The following SEPTIN9 variants were observed in gnomAD, a reference collection of about 807,000 sequenced individuals.
The protein encoded by SEPTIN9 is septin-9.
In SEPTIN9, 13 loss-of-function variants were observed where a neutral mutation model predicts 56.6. The observed-to-expected ratio is 0.23, with a 90% CI of 0.15 to 0.37. The LOEUF (loss-of-function observed/expected upper bound fraction) is 0.37, where lower values mean the gene tolerates loss of function less well. Ranked by LOEUF, SEPTIN9 falls within the 10% of genes least tolerant of loss-of-function variation. The pLI, the probability that SEPTIN9 is intolerant of heterozygous loss-of-function variation, is 1.00. For synonymous variants in SEPTIN9, 332 were observed against 334.1 expected (o/e 0.99, Z 0.07); for missense variants, 650 against 823.1 (o/e 0.79, Z 2.57).
intron 1 of SEPTIN9, among the ~76,000 whole-genome samples, chr17:77,288,896 G>T (rs1363738368): frequency 6.6e-6 from 1 of 152,198 alleles, no homozygotes; most frequent in East Asian, 1.9e-4. Context: ...GGCCGGCACC[G>T]AGGGGCGGGG....
intron 3 of SEPTIN9, among the ~76,000 whole-genome samples, chr17:77,465,452 G>T (rs543475228): frequency 1.3e-5 from 2 of 152,284 alleles, no homozygotes; most frequent in East Asian, 3.9e-4. Flanking sequence ...GGCCAGCCAG[G>T]TGCTGCGAGT....
In SEPTIN9 at chr17:77,316,345, C is replaced by A. The variant is rs538152780; in HGVS notation, c.76+9148C>A. 8.5e-5 allele frequency among the ~76,000 whole-genome samples: 13 copies of A among 152,184 alleles called. 1 individual carries two copies. Among genetic ancestry groups the A allele is most frequent in the Admixed American group, 8.5e-4 (13 of 15,280 alleles). On this transcript the variant is annotated intron_variant, in intron 2 of 11. Transcript: ENST00000427177. The stretch of plus-strand genomic sequence containing the variant: ...TAACTCCTGCCTCTTCAGAGCCAAT[C>A]GGTGCTGCCAGGTTTTCCATTTCAA...
intron 2 of SEPTIN9, among the ~76,000 whole-genome samples, chr17:77,381,877 C>T (rs932552256): frequency 6.6e-6 from 1 of 152,162 alleles, no homozygotes; most frequent in Non-Finnish European, 1.5e-5. Context: ...GTTCTAGGCA[C>T]TGGGGGTCTA....
chr17:77,466,475 C>T, intron 3 of SEPTIN9: 1 of 985,476 alleles, frequency 1.0e-6, no homozygotes, highest in Non-Finnish European at 1.2e-6. Flanking sequence ...GTGTTAGCTG[C>T]GTGAGCGTGA....
At chr17:77,354,133 T>C (rs764450556) in intron 2 of SEPTIN9, among the ~76,000 whole-genome samples, 2 of 152,220 alleles carry the variant, frequency 1.3e-5, no homozygotes, top group Non-Finnish European at 2.9e-5. Flanking sequence ...TCTTATTTTT[T>C]ACTTATTTAG....
chr17:77,497,049 A>G (rs982098142), intron 10 of SEPTIN9: 2 of 556,624 alleles, frequency 3.6e-6, no homozygotes, highest in Non-Finnish European at 6.5e-6. Context: ...GCCATCTCCC[A>G]TTAGCCAGGA....
At chr17:77,315,760 C>T (rs928880267) in intron 2 of SEPTIN9, among the ~76,000 whole-genome samples, 1 of 152,228 alleles carries the variant, frequency 6.6e-6, no homozygotes, top group Admixed American at 6.5e-5. Flanking sequence ...CAGCCTGTGC[C>T]GCTGAGCCCC....
In SEPTIN9 at chr17:77,313,661, T is replaced by C. The variant is rs532350020; in HGVS notation, c.76+6464T>C. Reference sequence around the variant, plus strand: ...GAGTCCAGGACGGAGCTCCTTCATTTTTAATTCAGGGAAGCAAACTTCAGT... The same window carrying C: ...GAGTCCAGGACGGAGCTCCTTCATTCTTAATTCAGGGAAGCAAACTTCAGT... On this transcript the variant is annotated intron_variant, in intron 2 of 11. Coordinates refer to ENST00000427177, the MANE Select transcript of SEPTIN9 (RefSeq NM_001113491.2). The surrounding 1 kb of genome is among the most constrained non-coding windows in gnomAD (Gnocchi z 4.5). 6.6e-6 allele frequency among the ~76,000 whole-genome samples: 1 copy of C among 152,240 alleles called. No homozygotes were observed. Among genetic ancestry groups the C allele is most frequent in the South Asian group, 2.1e-4 (1 of 4,824 alleles).
intron 2 of SEPTIN9, chr17:77,375,325 C>T (rs1042719475): frequency 6.6e-6 from 1 of 152,228 alleles, no homozygotes; most frequent in Admixed American, 6.5e-5. Flanking sequence ...CCTGCGGGAT[C>T]GAGGTCTCTG....
chr17:77,488,764 G>A lies in SEPTIN9; in HGVS notation c.1162G>A (p.Glu388Lys), dbSNP rs1297513860. 1 of 1,613,902 alleles carries A rather than the reference G, an allele frequency of 6.2e-7. No individual in the cohort carries two copies. The highest frequency in any genetic ancestry group is 8.5e-7 in the Non-Finnish European group (1 of 1,179,968). ...CATGAAGTTCATCAATGACCAGTAC[G>A]AGAAATACCTGCAGGAGGAGGTCAA... Reference protein sequence around the residue: ...PIMKFINDQYEKYLQEEVNIN... With the variant: ...PIMKFINDQYKKYLQEEVNIN... Residue 388 changes from glutamate to lysine, a missense_variant, in exon 7 of 12, where the codon GAG becomes AAG. By Grantham distance (56) the Glu-to-Lys change is moderately conservative. Transcript: ENST00000427177.
Position 77,421,955 on chromosome 17 carries a change from C to T in SEPTIN9, c.721+19252C>T, listed in dbSNP as rs114197578. On this transcript the variant is annotated intron_variant, in intron 3 of 11. Transcript: ENST00000427177. This position sits in a 1 kb window ranked among gnomAD's most constrained non-coding sequence, Gnocchi z 4.6. ...ATCTCGACCTCCTAGGCTCAGCAGT[C>T]CTCCCATCTCAGCCTACCAAGTAGC... Among the ~76,000 whole-genome samples, 1 of 152,098 alleles carries T rather than the reference C, an allele frequency of 6.6e-6. No individual in the cohort carries two copies.
chr17:77,362,072 C>G (rs1033738228), intron 2 of SEPTIN9, among the ~76,000 whole-genome samples: 1 of 152,254 alleles, frequency 6.6e-6, no homozygotes, highest in African/African-American at 2.4e-5. Flanking sequence ...GACACCTGGC[C>G]ATTCACTGGC....
In SEPTIN9 at chr17:77,310,103, T is replaced by C. The variant is rs55839627; in HGVS notation, c.76+2906T>C. ...AAGCGATTCTTCTGCCTCAGCCTCC[T>C]CAGTAGCCAGGATTACAGGCACCCG... On this transcript the variant is annotated intron_variant, in intron 2 of 11. Transcript: ENST00000427177. The surrounding 1 kb of genome is among the most constrained non-coding windows in gnomAD (Gnocchi z 4.7). 0.11 allele frequency among the ~76,000 whole-genome samples: 16,746 copies of C among 152,046 alleles called. 1,014 individuals are homozygous for C. The highest frequency in any genetic ancestry group is 0.15 in the African/African-American group (6,348 of 41,430).
At chr17:77,443,359 A>G (rs2037620161) in intron 3 of SEPTIN9, among the ~76,000 whole-genome samples, 1 of 152,194 alleles carries the variant, frequency 6.6e-6, no homozygotes, top group Admixed American at 6.5e-5. Context: ...ACACGGGAAT[A>G]ATAGAGCTGG....
rs1431249882 is a variant in SEPTIN9 at position 77,492,976 on chromosome 17, C to G, written c.1477-4C>G. On this transcript the variant is annotated splice_region_variant and splice_polypyrimidine_tract_variant and intron_variant, in intron 9 of 11. Transcript: ENST00000427177. The surrounding 1 kb of genome is among the most constrained non-coding windows in gnomAD (Gnocchi z 5.4). ...GTAACCAATACCGTCTGCCCGTTCC[C>G]CAGGAGATGATCCCATTTGCTGTGG... The G allele has an allele frequency of 1.2e-5, 18 of 1,562,638 alleles. No homozygotes were observed. The highest frequency in any genetic ancestry group is 1.5e-5 in the Non-Finnish European group (17 of 1,153,678).
chr17:77,378,182 G>T (rs1343545094), intron 2 of SEPTIN9, among the ~76,000 whole-genome samples: 1 of 152,170 alleles, frequency 6.6e-6, no homozygotes, highest in African/African-American at 2.4e-5. Context: ...GTGACTGCAG[G>T]CTGGAAATGC....
chr17:77,365,514 G>A (rs1449171746), intron 2 of SEPTIN9, among the ~76,000 whole-genome samples: 1 of 152,056 alleles, frequency 6.6e-6, no homozygotes, highest in African/African-American at 2.4e-5. Context: ...GGTAGGTACT[G>A]AGCTCCCTGT....
chr17:77,443,627 T>G (rs2144355794), intron 3 of SEPTIN9, among the ~76,000 whole-genome samples: 1 of 152,070 alleles, frequency 6.6e-6, no homozygotes, highest in South Asian at 2.1e-4. Context: ...ACCCTGTCTC[T>G]GCTAAAAATA....
intron 2 of SEPTIN9, among the ~76,000 whole-genome samples, chr17:77,344,639 T>C (rs1436279905): frequency 6.6e-6 from 1 of 151,870 alleles, no homozygotes; most frequent in African/African-American, 2.4e-5. Flanking sequence ...ACAGACAAAA[T>C]GTGGTCCATC....
Sources: allele counts gnomAD v4.1 joint callset (sites outside exome capture counted in the v4.1 genomes callset), GRCh38; gene constraint gnomAD v4.1.1; non-coding constraint Gnocchi (gnomAD v3.1); transcripts MANE v1.5; gene names NCBI Gene and HGNC (gene_info 2026-07-23, HGNC 2026-07-21).